NELL2: variants seen among roughly 807,000 people sequenced by gnomAD.
NELL2 encodes the protein neural EGFL like 2.
A neutral mutation model predicts 109.6 loss-of-function variants in NELL2; 41 were observed. That is an observed-to-expected ratio of 0.37 (90% CI 0.29 to 0.49). The LOEUF is 0.49. NELL2 is among the 20% of genes least tolerant of loss of function. The pLI is 0.98. For missense variants in NELL2, 900 were observed against 1,008.3 expected (o/e 0.89, Z 1.45); for synonymous variants, 355 against 344.7 (o/e 1.03, Z -0.33).
intron 3 of NELL2, among the ~76,000 whole-genome samples, chr12:44,798,992 T>A (rs1942734781): frequency 7.6e-6 from 1 of 131,500 alleles, no homozygotes; most frequent in African/African-American, 2.9e-5. Context: ...AGAGTCTTGC[T>A]CTGTCACCCA....
intron 9 of NELL2, among the ~76,000 whole-genome samples, chr12:44,758,291 T>C (rs1367630371): frequency 1.3e-5 from 2 of 152,204 alleles, no homozygotes; most frequent in Non-Finnish European, 2.9e-5. Flanking sequence ...ATAAAGAATT[T>C]AGAAAGGACA....
chr12:44,897,569 C>T lies in NELL2; in HGVS notation c.38+16230G>A, dbSNP rs184531837. Among the ~76,000 whole-genome samples, 331 of 152,278 alleles carry T rather than the reference C, an allele frequency of 2.2e-3. 1 individual carries two copies. The highest frequency in any genetic ancestry group is 6.0e-3 in the African/African-American group (250 of 41,556). On this transcript the variant is annotated intron_variant, in intron 1 of 20. Coordinates refer to the NELL2 transcript ENST00000333837. ...GAAGCCGTGAGGGACTGTGCCATAA[C>T]GGACAGTGCTGTCCAGCCCAGATAC... is the stretch of plus-strand genomic sequence containing the variant.
chr12:44,785,095 T>C lies in NELL2; in HGVS notation c.336-5073A>G, dbSNP rs188514176. ...TAGGAAGAAAGGAAGGCAAATTGTT[T>C]TGTTTGCAGATGACATGATTGTATA... On this transcript the variant is annotated intron_variant, in intron 3 of 19. Coordinates refer to ENST00000429094, the MANE Select transcript of NELL2 (RefSeq NM_001145108.2). 3.3e-3 allele frequency among the ~76,000 whole-genome samples: 505 copies of C among 152,212 alleles called. 1 individual carries two copies. The highest frequency in any genetic ancestry group is 0.011 in the African/African-American group (454 of 41,538).
intron 12 of NELL2, among the ~76,000 whole-genome samples, chr12:44,696,615 T>G (rs536972536): frequency 2.0e-5 from 3 of 152,336 alleles, no homozygotes; most frequent in African/African-American, 7.2e-5. Flanking sequence ...GAAATCAATT[T>G]AAAACTCAAT....
chr12:44,835,941 C>A (rs1944040580), intron 2 of NELL2, among the ~76,000 whole-genome samples: 1 of 152,162 alleles, frequency 6.6e-6, no homozygotes, highest in African/African-American at 2.4e-5. Context: ...ATGTACAAAG[C>A]ATGCAGGAAC....
intron 15 of NELL2, among the ~76,000 whole-genome samples, chr12:44,559,419 G>A (rs1041788845): frequency 6.6e-6 from 1 of 152,136 alleles, no homozygotes; most frequent in African/African-American, 2.4e-5. Context: ...TCGGTGTGCT[G>A]TATTCAGGAG....
At chr12:44,657,116 G>A (rs1253588314) in intron 13 of NELL2, among the ~76,000 whole-genome samples, 1 of 152,072 alleles carries the variant, frequency 6.6e-6, no homozygotes, top group African/African-American at 2.4e-5. Flanking sequence ...GTAACCTTTT[G>A]CACCCAAAAA....
intron 15 of NELL2, among the ~76,000 whole-genome samples, chr12:44,556,080 A>G (rs1221595339): frequency 1.3e-5 from 2 of 152,222 alleles, no homozygotes; most frequent in Admixed American, 6.5e-5. Context: ...TGCATAATAC[A>G]TAAGAGAAGG....
intron 2 of NELL2, among the ~76,000 whole-genome samples, chr12:44,831,978 C>T (rs552175623): frequency 6.6e-6 from 1 of 152,284 alleles, no homozygotes; most frequent in East Asian, 1.9e-4. Context: ...CTTCCTATGA[C>T]TCGTTCAAAT....
intron 2 of NELL2, among the ~76,000 whole-genome samples, chr12:44,824,749 C>T (rs1265491840): frequency 1.4e-5 from 2 of 142,108 alleles, no homozygotes; most frequent in Non-Finnish European, 3.0e-5. Flanking sequence ...CTCACTCTGT[C>T]GCCCAGGCAG....
chr12:44,575,953 G>C (rs1227165897), intron 15 of NELL2, among the ~76,000 whole-genome samples: 2 of 152,126 alleles, frequency 1.3e-5, no homozygotes, highest in African/African-American at 2.4e-5. Flanking sequence ...ATCATAGTTT[G>C]ACCCCTACCT....
intron 15 of NELL2, among the ~76,000 whole-genome samples, chr12:44,539,322 G>C (rs1243337230): frequency 3.9e-5 from 6 of 151,956 alleles, no homozygotes. Flanking sequence ...GGACTTCTCA[G>C]CAACACAACA....
intron 15 of NELL2, among the ~76,000 whole-genome samples, chr12:44,599,840 A>G (rs1232369231): frequency 2.6e-5 from 4 of 152,014 alleles, no homozygotes; most frequent in African/African-American, 4.8e-5. Flanking sequence ...AGAGAAAGAG[A>G]CTATGTTTTA....
At chr12:44,825,875 T>G (rs1943696358) in intron 2 of NELL2, among the ~76,000 whole-genome samples, 1 of 151,608 alleles carries the variant, frequency 6.6e-6, no homozygotes, top group Admixed American at 6.6e-5. Context: ...AAACCCCGTC[T>G]TTACCAAAAA....
intron 2 of NELL2, among the ~76,000 whole-genome samples, chr12:44,842,769 A>G (rs1353469304): frequency 1.5e-4 from 1 of 6,592 alleles, no homozygotes; most frequent in Non-Finnish European, 2.7e-4. Flanking sequence ...CCTAAATTCA[A>G]TGACTTTTTT....
At chr12:44,698,272 CAT>C (rs927406267) in intron 12 of NELL2, among the ~76,000 whole-genome samples, 4 of 152,076 alleles carry the variant, frequency 2.6e-5, no homozygotes, top group African/African-American at 9.7e-5. Flanking sequence ...GTGAGGGTAA[CAT>C]AATTCAATTC....
chr12:44,591,844 T>G (rs1027141569), intron 15 of NELL2, among the ~76,000 whole-genome samples: 1 of 152,202 alleles, frequency 6.6e-6, no homozygotes, highest in Non-Finnish European at 1.5e-5. Context: ...TTAGACATTG[T>G]ATACATGTAT....
intron 19 of NELL2, among the ~76,000 whole-genome samples, chr12:44,509,315 C>T (rs1436601275): frequency 3.3e-5 from 5 of 152,270 alleles, no homozygotes; most frequent in Non-Finnish European, 5.9e-5. Context: ...ACTAACCTCA[C>T]AGAGCAGGGT....
chr12:44,620,534 C>T (rs1238562494), intron 13 of NELL2, among the ~76,000 whole-genome samples: 1 of 152,052 alleles, frequency 6.6e-6, no homozygotes, highest in African/African-American at 2.4e-5. Flanking sequence ...ATTACTTCAC[C>T]AGCAACCTCA....
Sources: allele counts gnomAD v4.1 joint callset (sites outside exome capture counted in the v4.1 genomes callset), GRCh38; gene constraint gnomAD v4.1.1; transcripts MANE v1.5; gene names NCBI Gene and HGNC (gene_info 2026-07-23, HGNC 2026-07-21).